Variants in FAM120C observed in about 807,000 individuals in gnomAD.
FAM120C encodes constitutive coactivator of PPAR-gamma-like protein 2.
FAM120C carries 14 observed loss-of-function variants against 71.2 expected under a neutral mutation model. That is an observed-to-expected ratio of 0.20 (90% CI 0.13 to 0.31). The LOEUF is 0.31. Ranked by LOEUF, FAM120C falls within the 10% of genes least tolerant of loss-of-function variation. The pLI is 1.00. For synonymous variants in FAM120C, 354 were observed against 353.2 expected, an observed-to-expected ratio of 1.00 and a Z score of -0.03; for missense variants, 500 against 879.0, an observed-to-expected ratio of 0.57 and a Z score of 5.45.
intron 13 of FAM120C, 50 bp from the exon 14 acceptor site, chrX:54,081,510 G>A (rs374754109): frequency 8.8e-5 from 102 of 1,153,891 alleles, no homozygotes; most frequent in Non-Finnish European, 1.1e-4. Flanking sequence ...GGTGGTTCAC[G>A]CCTGTAATCC....
intron 12 of FAM120C, 24 bp from the exon 13 acceptor site, chrX:54,085,940 T>C (rs373496740): frequency 2.5e-5 from 30 of 1,187,886 alleles, no homozygotes; most frequent in Non-Finnish European, 3.4e-5. Context: ...AGAGTAATAA[T>C]AGCAGCTGCC....
intron 13 of FAM120C, among the ~76,000 whole-genome samples, chrX:54,083,478 C>CACACACACACACACA (rs782758591): frequency 8.8e-5 from 9 of 101,745 alleles, no homozygotes; most frequent in African/African-American, 2.0e-4. Context: ...CACACACACA[C>CACACACACACACACA]CAAAATATTA....
chrX:54,170,380 G>A (rs2067281641), intron 1 of FAM120C, among the ~76,000 whole-genome samples: 1 of 111,157 alleles, frequency 9.0e-6, no homozygotes, highest in Non-Finnish European at 1.9e-5. Flanking sequence ...TGATCCATCC[G>A]CCTTGGCCTC....
intron 15 of FAM120C, among the ~76,000 whole-genome samples, chrX:54,077,939 C>CTTTTTTTTTTTTTTTT (rs1194855968): frequency 3.6e-5 from 2 of 55,296 alleles, no homozygotes; most frequent in Non-Finnish European, 6.5e-5. Context: ...AAGATCTACT[C>CTTTTTTTTTTTTTTTT]TTTTTTTTTT....
chrX:54,076,882 A>C (rs372656067), intron 15 of FAM120C, among the ~76,000 whole-genome samples: 64 of 111,558 alleles, frequency 5.7e-4, no homozygotes, highest in African/African-American at 2.1e-3. Context: ...ACCCGAGCTC[A>C]GGAGTTTGAG....
In FAM120C at chrX:54,096,085, T is replaced by C. The variant is rs186167578; in HGVS notation, c.2313-4659A>G. ...GAAAATAAAAAAATATGGTGTGAGT[T>C]GGCTAAAGGTAATACAAGAAAAAAA... is the stretch of plus-strand genomic sequence containing the variant. On this transcript the variant is annotated intron_variant, in intron 10 of 15. Transcript: ENST00000375180. Among the ~76,000 whole-genome samples the C allele has an allele frequency of 7.2e-3, 801 of 111,755 alleles. 10 individuals carry two copies. The highest frequency in any genetic ancestry group is 0.036 in the Admixed American group (372 of 10,393).
At chrX:54,085,619 A>G in intron 13 of FAM120C, 96 bp downstream of exon 13, 1 of 813,894 alleles carries the variant, frequency 1.2e-6, no homozygotes, top group East Asian at 3.4e-5. Flanking sequence ...GATGAGATAT[A>G]TGTGAAACTG....
intron 2 of FAM120C, among the ~76,000 whole-genome samples, chrX:54,158,874 G>GATA (rs1557134031): frequency 8.9e-6 from 1 of 112,063 alleles, no homozygotes; most frequent in Non-Finnish European, 1.9e-5. Context: ...TACAGGTGGT[G>GATA]GATATAGGGT....
At chrX:54,107,136 G>A (rs1034150030) in intron 10 of FAM120C, among the ~76,000 whole-genome samples, 7 of 107,883 alleles carry the variant, frequency 6.5e-5, no homozygotes, top group Non-Finnish European at 1.3e-4. Flanking sequence ...TTGCTCTGTC[G>A]CCCAGTCTGG....
At position 54,135,129 on chromosome X, in the gene FAM120C, C is replaced by G. The variant is rs2146611284; in HGVS notation, c.1336-18G>C. 8.5e-7 allele frequency: 1 copy of G among 1,170,277 alleles called. No homozygotes were observed. Among genetic ancestry groups the G allele is most frequent in the East Asian group, 3.0e-5 (1 of 33,366 alleles). ...TGAGAAAACTAAACGATAAAACAGA[C>G]AGAAAAGCTATTTAACATTTTATAA... On this transcript the variant is annotated intron_variant, in intron 6 of 15. Coordinates refer to ENST00000375180, the MANE Select transcript of FAM120C (RefSeq NM_017848.6).
chrX:54,157,579 TG>T, intron 3 of FAM120C, 109 bp downstream of exon 3: 1 of 573,988 alleles, frequency 1.7e-6, no homozygotes, highest in Non-Finnish European at 2.8e-6. Flanking sequence ...TTTTTTCTTT[TG>T]TATGTATGTG....
At chrX:54,095,253 CTCCTA>C (rs2066844712) in intron 10 of FAM120C, among the ~76,000 whole-genome samples, 1 of 110,766 alleles carries the variant, frequency 9.0e-6, no homozygotes, top group Non-Finnish European at 1.9e-5. Flanking sequence ...CGAAAATCTG[CTCCTA>C]TCCTATTTAT....
At chrX:54,111,458 T>C (rs1557125722) in intron 10 of FAM120C, among the ~76,000 whole-genome samples, 1 of 110,345 alleles carries the variant, frequency 9.1e-6, no homozygotes, top group African/African-American at 3.3e-5. Context: ...ACAAAATCAA[T>C]GTATGAAAAC....
In FAM120C at chrX:54,151,279, T is replaced by A. The variant is rs2067183099; in HGVS notation, c.1124A>T (p.Asp375Val). 1 of 1,208,830 alleles carries A rather than the reference T, an allele frequency of 8.3e-7. No homozygotes were observed. Residue 375 changes from aspartate (D) to valine (V), a missense_variant, in exon 4 of 16, where the codon GAT (aspartate) becomes GTT (valine). Coordinates refer to ENST00000375180, the MANE Select transcript of FAM120C (RefSeq NM_017848.6). ...VSSIKDPSNLDVVGKDVFKQS... is the reference protein window; with the variant it reads ...VSSIKDPSNLVVVGKDVFKQS... Reference sequence around the variant, plus strand: ...TTTGAAAACATCCTTCCCAACTACATCCAGGTTTGAGGGATCTTTGATGGA... The same window carrying A: ...TTTGAAAACATCCTTCCCAACTACAACCAGGTTTGAGGGATCTTTGATGGA...
intron 9 of FAM120C, among the ~76,000 whole-genome samples, chrX:54,124,915 T>C (rs1261483605): frequency 1.8e-5 from 2 of 112,429 alleles, no homozygotes; most frequent in Non-Finnish European, 3.8e-5. Flanking sequence ...GTTCTTTATA[T>C]ATTTTAGATA....
At chrX:54,113,549 G>C (rs782053251) in intron 10 of FAM120C, among the ~76,000 whole-genome samples, 1 of 110,729 alleles carries the variant, frequency 9.0e-6, no homozygotes, top group Non-Finnish European at 1.9e-5. Flanking sequence ...AAAGAAATAA[G>C]AGTAAACAAA....
chrX:54,157,313 G>C (rs1226443777), intron 3 of FAM120C, among the ~76,000 whole-genome samples: 1 of 110,566 alleles, frequency 9.0e-6, no homozygotes, highest in Non-Finnish European at 1.9e-5. Context: ...GGAGTGCAGT[G>C]GCACGATCTT....
At chrX:54,134,179 C>T (rs1557129992) in intron 7 of FAM120C, 133 bp from the exon 8 acceptor site, 3 of 598,209 alleles carry the variant, frequency 5.0e-6, no homozygotes, top group Non-Finnish European at 7.6e-6. Context: ...TAGCACTGGA[C>T]TGGTACCTTT....
At chrX:54,116,251 G>A (rs1431130748) in intron 10 of FAM120C, among the ~76,000 whole-genome samples, 5 of 111,536 alleles carry the variant, frequency 4.5e-5, no homozygotes, top group African/African-American at 1.6e-4. Context: ...AAATACCCAA[G>A]AGTAGATGAC....
Sources: gnomAD v4.1 joint callset for allele counts (sites outside exome capture counted in the v4.1 genomes callset) on GRCh38, gnomAD v4.1.1 for gene constraint, MANE v1.5 for transcripts, NCBI Gene and HGNC (gene_info 2026-07-23, HGNC 2026-07-21) for gene names.